NIPA1: variants seen among roughly 807,000 people sequenced by gnomAD.
The protein encoded by NIPA1 is NIPA magnesium transporter 1.
In NIPA1, 13 loss-of-function variants were observed where a neutral mutation model predicts 23.9. The observed-to-expected ratio is 0.54, with a 90% CI of 0.35 to 0.87. The LOEUF is 0.87. NIPA1 is among the 40% of genes least tolerant of loss of function. NIPA1 has a pLI of 0.01. For missense variants in NIPA1, 362 were observed against 429.7 expected (o/e 0.84, Z 1.39); for synonymous variants, 234 against 202.9 (o/e 1.15, Z -1.30).
At chr15:22,789,435 G>A (rs953134107) in intron 1 of NIPA1, among the ~76,000 whole-genome samples, 7 of 152,236 alleles carry the variant, frequency 4.6e-5, no homozygotes, top group East Asian at 3.9e-4. Context: ...AGTTCTTCCC[G>A]GTCTGGACCC....
At chr15:22,813,644 A>G in intron 3 of NIPA1, 1 of 456,068 alleles carries the variant, frequency 2.2e-6, no homozygotes, top group South Asian at 1.5e-5. Flanking sequence ...CAGATGCCCA[A>G]ATCCTTGCAG....
intron 1 of NIPA1, among the ~76,000 whole-genome samples, chr15:22,806,424 A>G (rs1895213994): frequency 6.6e-6 from 1 of 152,148 alleles, no homozygotes; most frequent in African/African-American, 2.4e-5. Context: ...AGGGTTTCCA[A>G]TGAGAGGAAA....
chr15:22,791,601 A>G (rs1170726782), intron 1 of NIPA1, among the ~76,000 whole-genome samples: 1 of 146,122 alleles, frequency 6.8e-6, no homozygotes, highest in Non-Finnish European at 1.5e-5. Flanking sequence ...CTCCTGCCTC[A>G]GCCTCCCCAG....
intron 1 of NIPA1, among the ~76,000 whole-genome samples, chr15:22,807,782 T>TTGTGTGTGTGTGTGTGTGTGTG (rs71117484): frequency 0.025 from 3,713 of 145,860 alleles, 141 homozygotes; most frequent in East Asian, 0.13. Flanking sequence ...TTAAATTCAC[T>TTGTGTGTGTGTGTGTGTGTGTG]TGTGTGTGTG....
chr15:22,798,016 T>A (rs1004001042), intron 1 of NIPA1, among the ~76,000 whole-genome samples: 2 of 151,086 alleles, frequency 1.3e-5, no homozygotes, highest in African/African-American at 4.9e-5. Flanking sequence ...GGCTAATTTC[T>A]TTTTGTATTT....
chr15:22,808,660 G>A (rs1315367178), intron 1 of NIPA1, among the ~76,000 whole-genome samples: 1 of 133,606 alleles, frequency 7.5e-6, no homozygotes, highest in African/African-American at 2.8e-5. Flanking sequence ...TTACTGTGAT[G>A]TGATCAAATA....
chr15:22,786,653 C>A lies in NIPA1; in HGVS notation c.-4C>A. ...CGCAGGCTCGGAGGGCGGGCGCGGG[C>A]GGAATGGGGACTGCAGCTGCGGCAG... On this transcript the variant is annotated 5_prime_UTR_variant, in exon 1 of 5. Transcript: ENST00000337435. The A allele has an allele frequency of 9.7e-7, 1 of 1,026,426 alleles. No individual in the cohort carries two copies. The allele number at this position is 1,026,426 out of a possible 1,614,324, so 63.6% of individuals were successfully genotyped here. A position where few individuals can be genotyped will look rare whatever the true frequency, so the allele number is the denominator to read the frequency against.
At chr15:22,790,883 A>G (rs999347383) in intron 1 of NIPA1, among the ~76,000 whole-genome samples, 2 of 152,218 alleles carry the variant, frequency 1.3e-5, no homozygotes, top group African/African-American at 4.8e-5. Context: ...ATACGCAAGC[A>G]CCAGAGAATG....
chr15:22,794,071 AT>A (rs138087983), intron 1 of NIPA1, among the ~76,000 whole-genome samples: 6,158 of 144,106 alleles, frequency 0.043, 419 homozygotes, highest in African/African-American at 0.15. Context: ...CTTCATATGA[AT>A]TTTTTTTTTC....
At chr15:22,788,757 A>T (rs1894765117) in intron 1 of NIPA1, among the ~76,000 whole-genome samples, 2 of 150,606 alleles carry the variant, frequency 1.3e-5, no homozygotes, top group Admixed American at 6.6e-5. Flanking sequence ...GTAGCCTTTT[A>T]AAAAAAACAT....
rs548591988 is a variant in NIPA1, at chr15:22,824,587, C to A, written c.*348C>A. ...ATGGGCTCTTTCTGGTTAGTTGTTA[C>A]ATGATAGCAGAGATATTTTTACTTA... On this transcript the variant is annotated 3_prime_UTR_variant, in exon 5 of 5. Transcript: ENST00000337435. The surrounding 1 kb of genome is among the most constrained non-coding windows in gnomAD (Gnocchi z 4.1). 3.2e-5 allele frequency: 10 copies of A among 316,960 alleles called. No homozygotes were observed. The South Asian group carries it at 3.3e-4, about 10-fold the overall frequency. The allele number at this position is 316,960 out of a possible 1,614,324, so 19.6% of individuals were successfully genotyped here.
chr15:22,793,953 A>G (rs918069242), intron 1 of NIPA1, among the ~76,000 whole-genome samples: 6 of 151,982 alleles, frequency 3.9e-5, no homozygotes, highest in African/African-American at 1.2e-4. Flanking sequence ...ATGCCAGGCT[A>G]TTTTGGTTAC....
chr15:22,815,597 C>A (rs530107693), intron 3 of NIPA1, among the ~76,000 whole-genome samples: 1 of 152,058 alleles, frequency 6.6e-6, no homozygotes, highest in African/African-American at 2.4e-5. Context: ...GCCTGGGTGA[C>A]AGAGCAAAAC....
At chr15:22,792,358 GCTTTTTT>G (rs1427493667) in intron 1 of NIPA1, among the ~76,000 whole-genome samples, 2 of 129,784 alleles carry the variant, frequency 1.5e-5, no homozygotes, top group Admixed American at 1.5e-4. Context: ...TTTGTTGGAG[GCTTTTTT>G]CTTTTTTTTT....
rs993478153 is a variant in NIPA1, at chr15:22,806,193, G to A, written c.179-4556G>A. 2.6e-5 allele frequency among the ~76,000 whole-genome samples: 4 copies of A among 152,308 alleles called. No homozygotes were observed. The East Asian group carries it at 5.8e-4, about 22-fold the overall frequency. On this transcript the variant is annotated intron_variant, in intron 1 of 4. Transcript: ENST00000337435. ...CCGCCTCGGCCTCCCAAAGTGCCGG[G>A]ATTACAGGCGTGAGCCACCGCGCCC...
intron 4 of NIPA1, among the ~76,000 whole-genome samples, chr15:22,821,247 G>A (rs1276651509): frequency 6.6e-6 from 1 of 151,828 alleles, no homozygotes; most frequent in Non-Finnish European, 1.5e-5. Context: ...TTACAGGCGT[G>A]AGCCACCATG....
rs751013452 is a variant in NIPA1 at position 22,823,910 on chromosome 15, C to T, written c.661C>T (p.Pro221Ser). 2.5e-6 allele frequency: 4 copies of T among 1,614,198 alleles called. No homozygotes were observed. The South Asian group carries it at 4.4e-5, about 18-fold the overall frequency. ...LAAQDILHNN[P>S]SSQRALCLCL... The stretch of plus-strand genomic sequence containing the variant: ...GGCCCAAGACATCTTGCATAACAAC[C>T]CGTCCAGTCAGAGAGCCCTCTGCCT... The change falls in exon 5 of 5, where the codon CCG (proline) becomes TCG (serine). Residue 221 changes from proline (P) to serine (S), a missense_variant. This residue lies in a region of NIPA1 where 277 missense variants were observed against 372.0 expected (regional missense o/e 0.74). Coordinates refer to ENST00000337435, the MANE Select transcript of NIPA1 (RefSeq NM_144599.5).
chr15:22,789,668 A>T lies in NIPA1; in HGVS notation c.178+2834A>T, dbSNP rs75547400. Among the ~76,000 whole-genome samples the T allele has an allele frequency of 2.6e-3, 402 of 152,316 alleles. 1 individual carries two copies. The highest frequency in any genetic ancestry group is 8.9e-3 in the African/African-American group (371 of 41,554). ...AGGGAACATTTCCGAGTCATGTGGC[A>T]CCAAAGTATGTTACCAGTGGGGAAT... On this transcript the variant is annotated intron_variant, in intron 1 of 4. Coordinates refer to ENST00000337435, the MANE Select transcript of NIPA1 (RefSeq NM_144599.5).
chr15:22,803,297 G>A (rs7164962), intron 1 of NIPA1, among the ~76,000 whole-genome samples: 10,419 of 151,774 alleles, frequency 0.069, 780 homozygotes, highest in African/African-American at 0.18. Context: ...GAGCCACCAC[G>A]CCTGGCTGGG....
Sources: gnomAD v4.1 joint callset for allele counts (sites outside exome capture counted in the v4.1 genomes callset) on GRCh38, gnomAD v4.1.1 for gene constraint, gnomAD v4.1.1 regional missense constraint, Gnocchi (gnomAD v3.1) non-coding constraint, MANE v1.5 for transcripts, NCBI Gene and HGNC (gene_info 2026-07-23, HGNC 2026-07-21) for gene names.